PGAP1: variants seen among roughly 807,000 people sequenced by gnomAD.
PGAP1 encodes the protein GPI inositol-deacylase.
Under a neutral mutation model 127.0 loss-of-function variants are expected in PGAP1, and 76 were observed. The ratio of observed to expected loss-of-function variants is 0.60; its 90% CI spans 0.50 to 0.72. The LOEUF is 0.72. PGAP1 is among the 30% of genes least tolerant of loss of function. The pLI is 0.00. For missense variants in PGAP1, 982 were observed against 1,071.3 expected (o/e 0.92, Z 1.16); for synonymous variants, 362 against 366.5 (o/e 0.99, Z 0.14).
Position 196,843,939 on chromosome 2 carries a change from C to T in PGAP1, c.2474G>A (p.Trp825Ter). 3 of 1,588,452 alleles carry T rather than the reference C, an allele frequency of 1.9e-6. No homozygotes were observed. The East Asian group carries it at 6.8e-5, about 36-fold the overall frequency. ...MHSTVINLLT[W>*]IVLLSMPSLI... ...AGAAGGCATGCTGAGTAATACAATC[C>T]ATGTTAGTAAGTTAATCACAGTACT... The change falls in exon 25 of 27, where the codon TGG (tryptophan) becomes TAG (stop). Residue 825 changes from tryptophan (W) to a stop codon, truncating the protein, a stop_gained. Coordinates refer to ENST00000354764, the MANE Select transcript of PGAP1 (RefSeq NM_024989.4). LOFTEE classifies it high-confidence loss of function.
At chr2:196,887,155 C>T (rs1701936824) in intron 10 of PGAP1, among the ~76,000 whole-genome samples, 1 of 152,132 alleles carries the variant, frequency 6.6e-6, no homozygotes, top group Admixed American at 6.5e-5. Flanking sequence ...GAGGCCAAGG[C>T]AGGCGGATCA....
chr2:196,880,203 T>C (rs185159031), intron 12 of PGAP1, 50 bp from the exon 13 acceptor site: 1 of 1,132,260 alleles, frequency 8.8e-7, no homozygotes, highest in Non-Finnish European at 1.2e-6. Flanking sequence ...GATTAATGCA[T>C]GTTTAAAGAA....
intron 19 of PGAP1, 127 bp downstream of exon 19, chr2:196,870,814 G>T (rs899647887): frequency 1.4e-5 from 9 of 623,306 alleles, no homozygotes; most frequent in Admixed American, 6.2e-5. Flanking sequence ...AGTAGCAAAA[G>T]ATACTGTATG....
Position 196,873,674 on chromosome 2 carries a change from G to A in PGAP1, c.1500+11C>T, listed in dbSNP as rs1439719137. On this transcript the variant is annotated intron_variant, in intron 15 of 26. Coordinates refer to ENST00000354764, the MANE Select transcript of PGAP1 (RefSeq NM_024989.4). Reference sequence around the variant, plus strand: ...AATCAAATCCTTTTTCTTGTAGTCAGGATTAATTACCTGTCCAAAGTTCAG... The same window carrying A: ...AATCAAATCCTTTTTCTTGTAGTCAAGATTAATTACCTGTCCAAAGTTCAG... 6.2e-7 allele frequency: 1 copy of A among 1,604,702 alleles called. No homozygotes were observed. Among genetic ancestry groups the A allele is most frequent in the South Asian group, 1.1e-5 (1 of 90,816 alleles).
chr2:196,897,384 A>C (rs1702316864), intron 6 of PGAP1, among the ~76,000 whole-genome samples, 187 bp from the exon 7 acceptor site: 1 of 152,130 alleles, frequency 6.6e-6, no homozygotes, highest in Non-Finnish European at 1.5e-5. Context: ...AAATAAAGCA[A>C]ATTAAATCTT....
At position 196,883,564 on chromosome 2, in the gene PGAP1, G is replaced by A. The variant is rs144077508; in HGVS notation, c.1272+1860C>T. Among the ~76,000 whole-genome samples the A allele has an allele frequency of 5.2e-3, 797 of 152,308 alleles. 6 individuals are homozygous for A. Among genetic ancestry groups the A allele is most frequent in the African/African-American group, 0.018 (750 of 41,552 alleles). ...AGGAAGAACTTGGATAATCTGTGCA[G>A]CTATCCACTCTAATGGCTTTTAAGT... On this transcript the variant is annotated intron_variant, in intron 12 of 26. Coordinates refer to ENST00000354764, the MANE Select transcript of PGAP1 (RefSeq NM_024989.4).
chr2:196,864,442 T>A (rs1335419278), intron 20 of PGAP1, among the ~76,000 whole-genome samples: 2 of 151,458 alleles, frequency 1.3e-5, no homozygotes, highest in African/African-American at 4.9e-5. Flanking sequence ...AGGGCACTAT[T>A]GTTAATTTTT....
intron 8 of PGAP1, among the ~76,000 whole-genome samples, chr2:196,892,721 G>C (rs1003175180): frequency 6.6e-6 from 1 of 151,894 alleles, no homozygotes; most frequent in Non-Finnish European, 1.5e-5. Context: ...TATTTAAATA[G>C]ACAAAGCAAG....
chr2:196,903,705 T>C (rs1702580642), intron 4 of PGAP1, among the ~76,000 whole-genome samples: 1 of 152,182 alleles, frequency 6.6e-6, no homozygotes, highest in African/African-American at 2.4e-5. Context: ...GCTGCTGCTG[T>C]GGAAAACCTC....
rs2125775207 is a variant in PGAP1 at position 196,842,803 on chromosome 2, C to A, written c.2548G>T (p.Asp850Tyr). ...NLRYYFKLNP[D>Y]PCKPLAFILI... ...ATAAATGCCAAAGGTTTACATGGAT[C>A]AGGATTAAGTTTAAAATAATACCTA... The change falls in exon 26 of 27, where the codon GAT becomes TAT. Residue 850 changes from aspartate (D) to tyrosine (Y), a missense_variant. By Grantham distance (160) the Asp-to-Tyr change is radical (BLOSUM62 -3). Transcript: ENST00000354764. 6.4e-7 allele frequency: 1 copy of A among 1,564,232 alleles called. No individual in the cohort carries two copies. Among genetic ancestry groups the A allele is most frequent in the South Asian group, 1.2e-5 (1 of 84,892 alleles).
intron 12 of PGAP1, among the ~76,000 whole-genome samples, chr2:196,883,920 C>T (rs1210611916): frequency 6.6e-6 from 1 of 152,128 alleles, no homozygotes; most frequent in Non-Finnish European, 1.5e-5. Context: ...TGTTTTCTAA[C>T]TTCTCTCTTT....
intron 12 of PGAP1, 68 bp downstream of exon 12, chr2:196,885,356 T>G: frequency 2.9e-6 from 3 of 1,031,656 alleles, no homozygotes; most frequent in Non-Finnish European, 4.3e-6. Context: ...AAAGAGAATA[T>G]TTTAAAATGT....
At position 196,874,484 on chromosome 2, in the gene PGAP1, C is replaced by G. The variant is rs575438758; in HGVS notation, c.1427-726G>C. On this transcript the variant is annotated intron_variant, in intron 14 of 26. Coordinates refer to ENST00000354764, the MANE Select transcript of PGAP1 (RefSeq NM_024989.4). The stretch of plus-strand genomic sequence containing the variant: ...AATAGTGGGTTATTCTAAAGAAAAA[C>G]AGGACATTTATATATTCTCAAAGTA... Among the ~76,000 whole-genome samples, 3 of 152,072 alleles carry G rather than the reference C, an allele frequency of 2.0e-5. No individual in the cohort carries two copies. In the South Asian group the frequency reaches 6.2e-4, roughly 31 times the overall value.
chr2:196,849,170 C>A (rs1700643193), intron 20 of PGAP1, among the ~76,000 whole-genome samples: 2 of 151,566 alleles, frequency 1.3e-5, no homozygotes, highest in Admixed American at 6.6e-5. Context: ...TCAGTTGAAA[C>A]CAAGAAAAAC....
chr2:196,850,713 G>C (rs1035069821), intron 20 of PGAP1, among the ~76,000 whole-genome samples: 4 of 151,376 alleles, frequency 2.6e-5, no homozygotes, highest in African/African-American at 9.7e-5. Flanking sequence ...GGAAGGAAGG[G>C]AGGAAGGGAG....
In PGAP1 at chr2:196,905,478, A is replaced by T. The variant is rs567043519; in HGVS notation, c.650-2736T>A. Among the ~76,000 whole-genome samples the T allele has an allele frequency of 6.6e-5, 10 of 152,366 alleles. No homozygotes were observed. In the South Asian group the frequency reaches 1.9e-3, roughly 28 times the overall value. ...ACTGTTGCACCAGATACTTAAGAGCAAATAAATTATTTTTTGGCAATGCTG... is the reference window on the plus strand; with the variant it reads ...ACTGTTGCACCAGATACTTAAGAGCTAATAAATTATTTTTTGGCAATGCTG... On this transcript the variant is annotated intron_variant, in intron 4 of 26. Transcript: ENST00000354764.
At chr2:196,874,837 ATC>A (rs1186216887) in intron 14 of PGAP1, among the ~76,000 whole-genome samples, 1 of 152,112 alleles carries the variant, frequency 6.6e-6, no homozygotes, top group Non-Finnish European at 1.5e-5. Flanking sequence ...AATATGGTGA[ATC>A]TCTGTCTCTA....
intron 26 of PGAP1, 51 bp from the exon 27 acceptor site, chr2:196,841,423 C>A: frequency 1.0e-5 from 14 of 1,350,574 alleles, no homozygotes; most frequent in South Asian, 5.4e-5. Flanking sequence ...ACATTGTGAG[C>A]CAAAATTATA....
intron 10 of PGAP1, among the ~76,000 whole-genome samples, chr2:196,886,381 G>C (rs1701903667): frequency 6.6e-6 from 1 of 151,772 alleles, no homozygotes; most frequent in African/African-American, 2.4e-5. Flanking sequence ...GGCTGGTCTT[G>C]AACTCCTGAC....
Sources: allele counts gnomAD v4.1 joint callset (sites outside exome capture counted in the v4.1 genomes callset), GRCh38; gene constraint gnomAD v4.1.1; transcripts MANE v1.5; gene names NCBI Gene and HGNC (gene_info 2026-07-23, HGNC 2026-07-21).